Variants in WDFY4 observed in about 807,000 individuals in gnomAD.
The protein encoded by WDFY4 is WD repeat- and FYVE domain-containing protein 4.
In WDFY4, 169 loss-of-function variants were observed where a neutral mutation model predicts 351.9. The observed-to-expected ratio is 0.48, with a 90% CI of 0.42 to 0.55. The LOEUF is 0.55. Ranked by LOEUF, WDFY4 falls within the 20% of genes least tolerant of loss-of-function variation. The probability of loss-of-function intolerance (pLI) is 0.00; values close to 1 mark genes in which losing one functional copy is unlikely to be tolerated. For missense variants in WDFY4, 3,803 were observed against 3,935.6 expected (o/e 0.97, Z 0.90); for synonymous variants, 1,622 against 1,574.6 (o/e 1.03, Z -0.71).
At chr10:48,981,303 G>C in intron 60 of WDFY4, 64 bp from the exon 61 acceptor site, 1 of 1,367,406 alleles carries the variant, frequency 7.3e-7, no homozygotes, top group Admixed American at 2.0e-5. Context: ...CCCGTGTGCA[G>C]ATGCACACTG....
At chr10:48,688,074 C>T (rs143276863) in intron 1 of WDFY4, among the ~76,000 whole-genome samples, 24 of 152,348 alleles carry the variant, frequency 1.6e-4, no homozygotes, top group Middle Eastern at 3.4e-3. Flanking sequence ...TGAGCCACCA[C>T]ACCCGGCCTA....
chr10:48,872,934 G>A (rs1326363118), intron 40 of WDFY4, among the ~76,000 whole-genome samples: 1 of 152,170 alleles, frequency 6.6e-6, no homozygotes, highest in African/African-American at 2.4e-5. Flanking sequence ...TTCAGGCCAG[G>A]TCTGTCATTT....
At chr10:48,752,326 A>G (rs979963135) in intron 12 of WDFY4, among the ~76,000 whole-genome samples, 1 of 152,270 alleles carries the variant, frequency 6.6e-6, no homozygotes, top group Non-Finnish European at 1.5e-5. Context: ...GTGTAAGCAC[A>G]TTAAAGTTTG....
rs1841973990 is a variant in WDFY4 at position 48,964,046 on chromosome 10, C to A, written c.8428C>A (p.Pro2810Thr). 6.5e-7 allele frequency: 1 copy of A among 1,549,772 alleles called. No homozygotes were observed. Among genetic ancestry groups the A allele is most frequent in the Non-Finnish European group, 8.7e-7 (1 of 1,146,908 alleles). Residue 2810 changes from proline (P) to threonine (T), a missense_variant, in exon 54 of 62, where the codon CCC becomes ACC. Physicochemically the swap from Pro to Thr is conservative, Grantham distance 38. Around this residue, in one of 3 missense-constraint regions of WDFY4, gnomAD observed 3,054 missense variants for 3,148.6 expected, o/e 0.97. Coordinates refer to ENST00000325239, the MANE Select transcript of WDFY4 (RefSeq NM_001394531.1). ...LGFVSNFGQV[P>T]KQLFTKPHPA... ...GTTTGTCAGCAACTTTGGACAGGTG[C>A]CCAAACAGGTACAGCATGCCTTGTC...
chr10:48,913,737 A>C, intron 47 of WDFY4: 5 of 1,613,480 alleles, frequency 3.1e-6, no homozygotes. Context: ...CAGGGCCCCC[A>C]GTGTGGTGGG....
At chr10:48,980,085 TG>T (rs1842747142) in intron 60 of WDFY4, 1 of 152,212 alleles carries the variant, frequency 6.6e-6, no homozygotes, top group Non-Finnish European at 1.5e-5. Flanking sequence ...CCTCTCTGTC[TG>T]CCCTGACCCT....
At chr10:48,707,793 G>C (rs1399909889) in intron 1 of WDFY4, among the ~76,000 whole-genome samples, 1 of 152,126 alleles carries the variant, frequency 6.6e-6, no homozygotes, top group Non-Finnish European at 1.5e-5. Context: ...GTGGGGTGGG[G>C]ACACAGGGAA....
chr10:48,846,006 C>T (rs2068764000), intron 39 of WDFY4, among the ~76,000 whole-genome samples: 1 of 152,212 alleles, frequency 6.6e-6, no homozygotes, highest in Non-Finnish European at 1.5e-5. Flanking sequence ...ATGGCCTCTG[C>T]CTCACAGCTG....
chr10:48,838,711 C>G (rs116221040), intron 39 of WDFY4, among the ~76,000 whole-genome samples: 6 of 152,218 alleles, frequency 3.9e-5, no homozygotes, highest in East Asian at 3.8e-4. Context: ...CCACTTCCCC[C>G]CTATGCACTG....
chr10:48,721,146 T>C (rs1320233964), intron 3 of WDFY4, 115 bp from the exon 4 acceptor site: 1 of 984,466 alleles, frequency 1.0e-6, no homozygotes, highest in Non-Finnish European at 1.6e-6. Context: ...GTAGGCAAGA[T>C]GCCAAAGTCC....
Position 48,811,638 on chromosome 10 carries a change from C to T in WDFY4, c.5144C>T (p.Pro1715Leu). ...TTTCTGGCCCACCACGTCCACATTC[C>T]AGAGGTCTACCTCATCGTCTCCACC... is the stretch of plus-strand genomic sequence containing the variant. ...NDFLAHHVHI[P>L]EVYLIVSTFF... Residue 1715 changes from proline (P) to leucine (L), a missense_variant, in exon 30 of 62, where the codon CCA (proline) becomes CTA (leucine). Around this residue, in one of 3 missense-constraint regions of WDFY4, gnomAD observed 3,054 missense variants for 3,148.6 expected, o/e 0.97. Coordinates refer to ENST00000325239, the MANE Select transcript of WDFY4 (RefSeq NM_001394531.1). The T allele has an allele frequency of 1.3e-6, 2 of 1,551,942 alleles. No individual in the cohort carries two copies. Among genetic ancestry groups the T allele is most frequent in the South Asian group, 2.4e-5 (2 of 84,062 alleles).
chr10:48,736,495 C>T (rs2064672590), intron 11 of WDFY4, among the ~76,000 whole-genome samples: 1 of 152,244 alleles, frequency 6.6e-6, no homozygotes, highest in African/African-American at 2.4e-5. Flanking sequence ...TTTTCCCTGG[C>T]TAGGCAGCTA....
chr10:48,863,402 ATCATTGATC>A (rs773808442), intron 39 of WDFY4, among the ~76,000 whole-genome samples: 31 of 152,162 alleles, frequency 2.0e-4, no homozygotes, highest in Non-Finnish European at 4.0e-4. Context: ...GGTTGGCTGT[ATCATTGATC>A]TCATTGTGAG....
intron 39 of WDFY4, among the ~76,000 whole-genome samples, chr10:48,845,904 G>A (rs890197261): frequency 6.6e-6 from 1 of 152,152 alleles, no homozygotes; most frequent in Non-Finnish European, 1.5e-5. Flanking sequence ...TAGGCAAGAG[G>A]GTACATGCAT....
chr10:48,957,084 G>A (rs762886000), intron 51 of WDFY4, 45 bp from the exon 52 acceptor site: 142 of 1,533,434 alleles, frequency 9.3e-5, no homozygotes, highest in Middle Eastern at 3.4e-4. Flanking sequence ...CCAGCAGGAG[G>A]GTGCCAGTGA....
intron 12 of WDFY4, among the ~76,000 whole-genome samples, chr10:48,748,581 C>T (rs1369273208): frequency 2.0e-5 from 3 of 152,196 alleles, no homozygotes; most frequent in East Asian, 1.9e-4. Flanking sequence ...CAATGGACTG[C>T]GTCAGTCCTG....
intron 47 of WDFY4, among the ~76,000 whole-genome samples, chr10:48,909,288 T>G (rs1322629126): frequency 6.6e-6 from 1 of 152,160 alleles, no homozygotes; most frequent in African/African-American, 2.4e-5. Context: ...TTATTTTTTG[T>G]TTTTTTCCTG....
rs746512306 is a variant in WDFY4, at chr10:48,731,426, C to T, written c.1446C>T (p.Cys482=). The T allele has an allele frequency of 1.2e-5, 18 of 1,551,760 alleles. No homozygotes were observed. Among genetic ancestry groups the T allele is most frequent in the Non-Finnish European group, 1.5e-5 (17 of 1,147,012 alleles). The change falls in exon 9 of 62, where the codon TGC becomes TGT. Residue 482 remains cysteine (C), a synonymous_variant. Coordinates refer to ENST00000325239, the MANE Select transcript of WDFY4 (RefSeq NM_001394531.1). ...TCAAGGAGAGCCCTGGGCCATCCTG[C>T]ACCCTCATGGCCCTGCAGAGCATCC... ...HLIKESPGPS[C]TLMALQSILS...
At chr10:48,941,258 T>C (rs985084912) in intron 47 of WDFY4, among the ~76,000 whole-genome samples, 2 of 152,160 alleles carry the variant, frequency 1.3e-5, no homozygotes, top group Admixed American at 1.3e-4. Context: ...TGTGATCCCA[T>C]GTATGATTGA....
Sources: gnomAD v4.1 joint callset for allele counts (sites outside exome capture counted in the v4.1 genomes callset) on GRCh38, gnomAD v4.1.1 for gene constraint, gnomAD v4.1.1 regional missense constraint, MANE v1.5 for transcripts, NCBI Gene and HGNC (gene_info 2026-07-23, HGNC 2026-07-21) for gene names.